CDC42BPA: variants seen among roughly 807,000 people sequenced by gnomAD.
The protein encoded by CDC42BPA is serine/threonine-protein kinase MRCK alpha.
CDC42BPA carries 80 observed loss-of-function variants against 223.5 expected under a neutral mutation model. The ratio of observed to expected loss-of-function variants is 0.36; its 90% CI spans 0.30 to 0.43. The LOEUF is 0.43. Among genes scored for constraint, CDC42BPA ranks in the 20% least tolerant of loss-of-function variants. The probability of loss-of-function intolerance (pLI) is 1.00; values close to 1 mark genes in which losing one functional copy is unlikely to be tolerated. For missense variants in CDC42BPA, 1,743 were observed against 2,099.9 expected (o/e 0.83, Z 3.32); for synonymous variants, 694 against 718.6 (o/e 0.97, Z 0.55).
At chr1:226,995,535 C>T (rs1209050212) in intron 35 of CDC42BPA, among the ~76,000 whole-genome samples, 1 of 152,148 alleles carries the variant, frequency 6.6e-6, no homozygotes, top group Non-Finnish European at 1.5e-5. Flanking sequence ...GAAGAAATAT[C>T]GCTTATCTTC....
intron 5 of CDC42BPA, among the ~76,000 whole-genome samples, chr1:227,188,304 T>C (rs1669159728): frequency 1.3e-5 from 2 of 152,104 alleles, no homozygotes; most frequent in Admixed American, 1.3e-4. Context: ...TACCATGTCA[T>C]TTCAAAGTGG....
intron 8 of CDC42BPA, among the ~76,000 whole-genome samples, chr1:227,144,500 G>A (rs765109975): frequency 4.6e-4 from 63 of 137,274 alleles, no homozygotes; most frequent in African/African-American, 1.6e-3. Context: ...GCGTGAACCC[G>A]GAAGGCGGAG....
chr1:227,251,488 A>C (rs1682000485), intron 2 of CDC42BPA, among the ~76,000 whole-genome samples: 1 of 152,210 alleles, frequency 6.6e-6, no homozygotes. Flanking sequence ...TATTCTACTG[A>C]ACAGTAAACA....
At chr1:227,123,035 G>T (rs567215585) in intron 11 of CDC42BPA, among the ~76,000 whole-genome samples, 2 of 152,310 alleles carry the variant, frequency 1.3e-5, no homozygotes, top group East Asian at 3.9e-4. Context: ...GGGCACCATG[G>T]TTCATGCCTG....
chr1:227,302,747 T>G (rs1572963654), intron 1 of CDC42BPA, among the ~76,000 whole-genome samples: 1 of 152,282 alleles, frequency 6.6e-6, no homozygotes, highest in Non-Finnish European at 1.5e-5. Flanking sequence ...CTATCATTCA[T>G]CAGATTATTA....
At chr1:227,149,192 A>G (rs1661278009) in intron 6 of CDC42BPA, among the ~76,000 whole-genome samples, 1 of 152,218 alleles carries the variant, frequency 6.6e-6, no homozygotes, top group African/African-American at 2.4e-5. Flanking sequence ...ATGTGTGATG[A>G]ATGAAAAATA....
At position 227,023,073 on chromosome 1, in the gene CDC42BPA, C is replaced by T. The variant is rs187078386; in HGVS notation, c.4615+190G>A. The stretch of plus-strand genomic sequence containing the variant: ...AATACTTAAGTGAGCTTAAACAGAA[C>T]GACTTTTTGCCCAGTAATTTATTCT... On this transcript the variant is annotated intron_variant, in intron 32 of 36. Coordinates refer to ENST00000366766, the MANE Select transcript of CDC42BPA (RefSeq NM_001394014.1). Among the ~76,000 whole-genome samples the T allele has an allele frequency of 3.6e-4, 55 of 152,220 alleles. No homozygotes were observed. In the East Asian group the frequency reaches 6.7e-3, roughly 19 times the overall value.
At chr1:227,081,921 A>G (rs1382150456) in intron 16 of CDC42BPA, among the ~76,000 whole-genome samples, 2 of 152,240 alleles carry the variant, frequency 1.3e-5, no homozygotes, top group Non-Finnish European at 2.9e-5. Flanking sequence ...AAATTTCCTA[A>G]TATCACATAA....
intron 16 of CDC42BPA, among the ~76,000 whole-genome samples, chr1:227,083,935 T>C (rs1320432235): frequency 6.6e-6 from 1 of 152,192 alleles, no homozygotes; most frequent in African/African-American, 2.4e-5. Context: ...TGGAATACCA[T>C]GTTCAACTTC....
chr1:227,288,556 G>C lies in CDC42BPA; in HGVS notation c.178+28449C>G, dbSNP rs149710219. 1.3e-4 allele frequency among the ~76,000 whole-genome samples: 20 copies of C among 151,962 alleles called. 1 individual carries two copies. Among genetic ancestry groups the C allele is most frequent in the Admixed American group, 1.3e-3 (20 of 15,250 alleles). On this transcript the variant is annotated intron_variant, in intron 1 of 36. Transcript: ENST00000366766. ...TCTACTAAAAATACAAAAATTAGCCGGGCGTGGTGCACACCTGTGGTCCCA... is the reference window on the plus strand; with the variant it reads ...TCTACTAAAAATACAAAAATTAGCCCGGCGTGGTGCACACCTGTGGTCCCA...
intron 22 of CDC42BPA, 109 bp downstream of exon 22, chr1:227,051,771 TA>T: frequency 1.8e-6 from 1 of 548,130 alleles, no homozygotes; most frequent in Non-Finnish European, 3.4e-6. Context: ...CAATAGACTG[TA>T]ACTTATTACA....
At chr1:227,230,001 G>A (rs943759626) in intron 2 of CDC42BPA, among the ~76,000 whole-genome samples, 4 of 152,164 alleles carry the variant, frequency 2.6e-5, no homozygotes, top group East Asian at 3.8e-4. Flanking sequence ...TGGCAGACTC[G>A]TTTCCATTTG....
At chr1:227,005,368 G>T (rs996035152) in intron 34 of CDC42BPA, among the ~76,000 whole-genome samples, 1 of 151,976 alleles carries the variant, frequency 6.6e-6, no homozygotes. Context: ...GCATTTTTTT[G>T]TTTGTAAACA....
intron 35 of CDC42BPA, 177 bp downstream of exon 35, chr1:227,004,817 T>C (rs1348627533): frequency 1.4e-6 from 1 of 725,694 alleles, no homozygotes; most frequent in Non-Finnish European, 2.6e-6. Flanking sequence ...GGGACTATTT[T>C]CTTAACAACT....
intron 21 of CDC42BPA, among the ~76,000 whole-genome samples, chr1:227,065,205 T>C (rs551661847): frequency 3.3e-4 from 50 of 152,284 alleles, no homozygotes; most frequent in African/African-American, 1.1e-3. Context: ...TCCCCAAAGA[T>C]TGAGAACTTT....
At chr1:227,154,283 T>C (rs987017941) in intron 6 of CDC42BPA, among the ~76,000 whole-genome samples, 23 of 151,940 alleles carry the variant, frequency 1.5e-4, no homozygotes, top group African/African-American at 5.3e-4. Context: ...ATAAGATATA[T>C]ATACCAAAAG....
At chr1:227,142,691 C>T (rs1659914734) in intron 9 of CDC42BPA, among the ~76,000 whole-genome samples, 1 of 151,990 alleles carries the variant, frequency 6.6e-6, no homozygotes, top group African/African-American at 2.4e-5. Context: ...GCAGTCTCGG[C>T]TCACTGCAAC....
intron 3 of CDC42BPA, among the ~76,000 whole-genome samples, chr1:227,207,384 C>CT (rs1672966458): frequency 8.4e-6 from 1 of 118,508 alleles, no homozygotes; most frequent in Admixed American, 9.0e-5. Context: ...TTTTATTATA[C>CT]TTTAAGTTTT....
rs1671110449 is a variant in CDC42BPA, at chr1:227,040,290, T to A, written c.3094-54A>T. On this transcript the variant is annotated intron_variant, in intron 23 of 36. Coordinates refer to ENST00000366766, the MANE Select transcript of CDC42BPA (RefSeq NM_001394014.1). Reference sequence around the variant, plus strand: ...CAGATTGTTTAAAAGATTTCCATAATGTGAGTCCTTATGCCCCATACCACT... The same window carrying A: ...CAGATTGTTTAAAAGATTTCCATAAAGTGAGTCCTTATGCCCCATACCACT... 3.2e-5 allele frequency: 36 copies of A among 1,108,300 alleles called. No homozygotes were observed. The South Asian group carries it at 4.6e-4, about 14-fold the overall frequency. 68.7% of individuals were successfully genotyped at this position (1,108,300 alleles called of 1,614,324 possible).
Sources: allele counts gnomAD v4.1 joint callset (sites outside exome capture counted in the v4.1 genomes callset), GRCh38; gene constraint gnomAD v4.1.1; transcripts MANE v1.5; gene names NCBI Gene and HGNC (gene_info 2026-07-23, HGNC 2026-07-21).